The following STARD13 variants were observed in gnomAD, a reference collection of about 807,000 sequenced individuals.
STARD13 encodes stAR-related lipid transfer protein 13.
Under a neutral mutation model 106.4 loss-of-function variants are expected in STARD13, and 62 were observed. The ratio of observed to expected loss-of-function variants is 0.58; its 90% CI spans 0.48 to 0.72. The LOEUF (loss-of-function observed/expected upper bound fraction) is 0.72, where lower values mean the gene tolerates loss of function less well. STARD13 is among the 30% of genes least tolerant of loss of function. STARD13 has a pLI of 0.00. For missense variants in STARD13, 1,387 were observed against 1,424.0 expected (o/e 0.97, Z 0.42); for synonymous variants, 565 against 553.0 (o/e 1.02, Z -0.31).
intron 12 of STARD13, among the ~76,000 whole-genome samples, chr13:33,107,177 G>A (rs1410520822): frequency 6.6e-6 from 1 of 152,218 alleles, no homozygotes; most frequent in Non-Finnish European, 1.5e-5. Flanking sequence ...TTTCAGATCT[G>A]CATCTGGAAT....
At chr13:33,134,913 T>G (rs1243709094) in intron 4 of STARD13, among the ~76,000 whole-genome samples, 1 of 152,234 alleles carries the variant, frequency 6.6e-6, no homozygotes, top group Admixed American at 6.5e-5. Flanking sequence ...CTGGCAGATG[T>G]AAGCTTAATG....
chr13:33,153,904 G>T (rs1736792455), intron 3 of STARD13, among the ~76,000 whole-genome samples: 1 of 152,288 alleles, frequency 6.6e-6, no homozygotes, highest in African/African-American at 2.4e-5. Flanking sequence ...TCCGGGTGGG[G>T]CCCTCCAAGA....
At chr13:33,480,718 T>C in the STARD13 span, among the ~76,000 whole-genome samples, 1 of 152,174 alleles carries the variant, frequency 6.6e-6, no homozygotes, top group Non-Finnish European at 1.5e-5. Flanking sequence ...CTTCTATCTA[T>C]CTAATGAAAA....
At chr13:33,666,517 G>T in the STARD13 span, among the ~76,000 whole-genome samples, 86 of 151,980 alleles carry the variant, frequency 5.7e-4, 1 homozygote, top group African/African-American at 1.9e-3. Context: ...GGATGGTCTC[G>T]ATCTCCTGAC....
the STARD13 span, among the ~76,000 whole-genome samples, chr13:33,420,168 TAA>T: frequency 3.3e-5 from 5 of 152,198 alleles, no homozygotes; most frequent in Admixed American, 1.3e-4. Flanking sequence ...CCAAATTGGA[TAA>T]AGAGTCAAGA....
chr13:33,197,690 C>T (rs545256084), intron 1 of STARD13, among the ~76,000 whole-genome samples: 28 of 152,312 alleles, frequency 1.8e-4, no homozygotes, highest in African/African-American at 6.5e-4. Flanking sequence ...GATCAGCAAG[C>T]CATGGTAGAA....
At chr13:33,171,216 T>C (rs533083438) in intron 1 of STARD13, among the ~76,000 whole-genome samples, 1 of 152,306 alleles carries the variant, frequency 6.6e-6, no homozygotes, top group Admixed American at 6.5e-5. Context: ...TTGCTACCCT[T>C]ACCCACCCCT....
rs773297887 is a variant in STARD13 at position 33,129,283 on chromosome 13, G to T, written c.1394C>A (p.Ser465Tyr). The change falls in exon 5 of 14, where the codon TCC becomes TAC. Residue 465 changes from serine to tyrosine, a missense_variant. Transcript: ENST00000336934. ...RVSIYDNVPG[S>Y]HLYASTGDLL... The stretch of plus-strand genomic sequence containing the variant: ...ATCTCCTGTGCTGGCATACAGATGG[G>T]AGCCAGGGACATTGTCATAGATACT... 9 of 1,614,144 alleles carry T rather than the reference G, an allele frequency of 5.6e-6. No homozygotes were observed. The South Asian group carries it at 9.9e-5, about 18-fold the overall frequency.
chr13:33,225,250 G>A (rs1201107352), intron 1 of STARD13, among the ~76,000 whole-genome samples: 1 of 152,084 alleles, frequency 6.6e-6, no homozygotes, highest in East Asian at 1.9e-4. Context: ...CAGAAACTGG[G>A]AAATACATGG....
intron 1 of STARD13, among the ~76,000 whole-genome samples, chr13:33,282,190 G>T (rs1000131666): frequency 1.3e-5 from 2 of 151,974 alleles, no homozygotes; most frequent in Non-Finnish European, 2.9e-5. Flanking sequence ...CAAGAATGTG[G>T]GGTAGGGATT....
the STARD13 span, among the ~76,000 whole-genome samples, chr13:33,630,858 A>T: frequency 6.6e-6 from 1 of 152,182 alleles, no homozygotes; most frequent in Admixed American, 6.6e-5. Flanking sequence ...TGCAAGAAAG[A>T]CATTTGTTTC....
chr13:33,341,546 G>A (rs1300810550), intron 1 of STARD13, among the ~76,000 whole-genome samples: 2 of 149,644 alleles, frequency 1.3e-5, no homozygotes, highest in South Asian at 4.2e-4. Context: ...AGTCAAGATC[G>A]TGCCACTGCA....
chr13:33,325,416 T>C (rs2077762742), intron 1 of STARD13, among the ~76,000 whole-genome samples: 2 of 152,228 alleles, frequency 1.3e-5, no homozygotes, highest in South Asian at 4.1e-4. Context: ...AGGAAAAAAA[T>C]GAATAAAGAA....
intron 7 of STARD13, 107 bp downstream of exon 7, chr13:33,125,974 G>T: frequency 1.6e-6 from 2 of 1,223,276 alleles, no homozygotes; most frequent in Non-Finnish European, 2.3e-6. Context: ...TTTTTGGTGA[G>T]GCATGTCTTG....
the STARD13 span, chr13:33,359,608 T>G: frequency 5.1e-4 from 79 of 153,596 alleles, no homozygotes; most frequent in Non-Finnish European, 1.1e-4. Flanking sequence ...GAAGTTGCAG[T>G]AAGCTGAGAT....
At chr13:33,587,711 G>C in the STARD13 span, among the ~76,000 whole-genome samples, 5 of 152,188 alleles carry the variant, frequency 3.3e-5, no homozygotes, top group Non-Finnish European at 5.9e-5. Flanking sequence ...TCCAGCCAAT[G>C]CGTCTGAATC....
At chr13:33,287,799 T>A (rs897217789), upstream of STARD13, among the ~76,000 whole-genome samples, 1 of 152,030 alleles carries the variant, frequency 6.6e-6, no homozygotes, top group Non-Finnish European at 1.5e-5. Context: ...TTGGTGGTTA[T>A]CACTTTTTTA....
At chr13:33,466,440 C>T in the STARD13 span, among the ~76,000 whole-genome samples, 1 of 152,146 alleles carries the variant, frequency 6.6e-6, no homozygotes, top group South Asian at 2.1e-4. Context: ...AATATTCTCC[C>T]TCAGCCCCCT....
chr13:33,408,203 T>C, the STARD13 span, among the ~76,000 whole-genome samples: 1 of 152,338 alleles, frequency 6.6e-6, no homozygotes, highest in East Asian at 1.9e-4. Flanking sequence ...ATTTCAAGGG[T>C]ACTGTTCAGT....
Sources: allele counts gnomAD v4.1 joint callset (sites outside exome capture counted in the v4.1 genomes callset), GRCh38; gene constraint gnomAD v4.1.1; transcripts MANE v1.5; gene names NCBI Gene and HGNC (gene_info 2026-07-23, HGNC 2026-07-21).